Variants in SIK2 observed in about 807,000 individuals in gnomAD.
SIK2 encodes serine/threonine-protein kinase SIK2.
Under a neutral mutation model 103.2 loss-of-function variants are expected in SIK2, and 29 were observed. The observed-to-expected ratio is 0.28, with a 90% CI of 0.21 to 0.38. SIK2 has a LOEUF of 0.38. Ranked by LOEUF, SIK2 falls within the 10% of genes least tolerant of loss-of-function variation. The pLI is 1.00. For synonymous variants in SIK2, 412 were observed against 446.1 expected (o/e 0.92, Z 0.96); for missense variants, 879 against 1,171.0 (o/e 0.75, Z 3.64).
rs1008553805 is a variant in SIK2 at position 111,723,481 on chromosome 11, A to G, written c.2148-15A>G. On this transcript the variant is annotated splice_polypyrimidine_tract_variant and intron_variant, in intron 14 of 14. Transcript: ENST00000304987. ...AGAAGATTTAAAATTCTTTCCTTTG[A>G]TATTACCAATTTAGGCTCCAGCAGA... The G allele has an allele frequency of 1.3e-6, 2 of 1,577,648 alleles. No homozygotes were observed. The highest frequency in any genetic ancestry group is 2.3e-5 in the East Asian group (1 of 44,376).
chr11:111,671,603 T>C, intron 3 of SIK2: 1 of 334,934 alleles, frequency 3.0e-6, no homozygotes, highest in Non-Finnish European at 5.8e-6. Flanking sequence ...GCACAGACCT[T>C]GGTGATGATG....
intron 3 of SIK2, among the ~76,000 whole-genome samples, chr11:111,670,652 G>C (rs1001445628): frequency 5.9e-5 from 9 of 152,242 alleles, no homozygotes; most frequent in African/African-American, 2.2e-4. Flanking sequence ...TTGGATTTAT[G>C]CAGTTCTAAC....
intron 1 of SIK2, among the ~76,000 whole-genome samples, chr11:111,610,281 C>T (rs1941703681): frequency 2.0e-5 from 3 of 151,944 alleles, no homozygotes; most frequent in Admixed American, 6.6e-5. Flanking sequence ...CTTGAGGTGA[C>T]GAGTTTGAGA....
Position 111,609,335 on chromosome 11 carries a change from G to C in SIK2, c.135+6637G>C, listed in dbSNP as rs183574833. Among the ~76,000 whole-genome samples the C allele has an allele frequency of 6.3e-3, 952 of 150,206 alleles. 5 individuals are homozygous for C. Among genetic ancestry groups the C allele is most frequent in the Non-Finnish European group, 9.2e-3 (625 of 67,614 alleles). ...AAAAGTCAAATCAATTTTTTTTTTGGGGGGGGGACAGGGTCTCACTCTGTC... is the reference window on the plus strand; with the variant it reads ...AAAAGTCAAATCAATTTTTTTTTTGCGGGGGGGACAGGGTCTCACTCTGTC... On this transcript the variant is annotated intron_variant, in intron 1 of 14. Transcript: ENST00000304987.
chr11:111,627,082 A>AG (rs1941970945), intron 3 of SIK2, among the ~76,000 whole-genome samples: 1 of 152,094 alleles, frequency 6.6e-6, no homozygotes, highest in Non-Finnish European at 1.5e-5. Flanking sequence ...ATGGGCAAAA[A>AG]ATTGTTGCCT....
Position 111,722,892 on chromosome 11 carries a change from A to C in SIK2, c.2147+136A>C, listed in dbSNP as rs147261604. 1.4e-6 allele frequency: 1 copy of C among 727,382 alleles called. No individual in the cohort carries two copies. Among genetic ancestry groups the C allele is most frequent in the African/African-American group, 1.8e-5 (1 of 56,122 alleles). The allele number at this position is 727,382 out of a possible 1,614,324, so 45.1% of individuals were successfully genotyped here. ...TTCTGCGTGTGTCACAGGCCCTCTG[A>C]GCACGATTACTAAGAGGATATCTCA... On this transcript the variant is annotated intron_variant, in intron 14 of 14. Coordinates refer to ENST00000304987, the MANE Select transcript of SIK2 (RefSeq NM_015191.3). This position sits in a 1 kb window ranked among gnomAD's most constrained non-coding sequence, Gnocchi z 4.4.
chr11:111,652,775 T>G lies in SIK2; in HGVS notation c.316+32373T>G, dbSNP rs78872223. Among the ~76,000 whole-genome samples, 1,190 of 152,340 alleles carry G rather than the reference T, an allele frequency of 7.8e-3. 21 individuals are homozygous for G. The highest frequency in any genetic ancestry group is 0.027 in the African/African-American group (1,126 of 41,580). On this transcript the variant is annotated intron_variant, in intron 3 of 14. Transcript: ENST00000304987. ...CACATAGGTGGATGTGTTATCATTA[T>G]CTTCATATAGATGAGGAAAGGGAGA...
chr11:111,671,632 C>T, intron 3 of SIK2: 1 of 352,144 alleles, frequency 2.8e-6, no homozygotes, highest in Non-Finnish European at 5.5e-6. Flanking sequence ...GTCCAGGGAG[C>T]AGCTGTTGTC....
In SIK2 at chr11:111,723,747, A is replaced by G; in HGVS notation, c.2399A>G (p.Gln800Arg). 6.2e-7 allele frequency: 1 copy of G among 1,614,100 alleles called. No homozygotes were observed. The highest frequency in any genetic ancestry group is 1.3e-5 in the African/African-American group (1 of 75,048). ...AGCCAGTACCAAGAGATGCAGCTTCAGCCCCTGCCCTCCACTTCCGGTCCC... is the reference window on the plus strand; with the variant it reads ...AGCCAGTACCAAGAGATGCAGCTTCGGCCCCTGCCCTCCACTTCCGGTCCC... ...FLSQYQEMQL[Q>R]PLPSTSGPRA... The change falls in exon 15 of 15, where the codon CAG becomes CGG. Residue 800 changes from glutamine to arginine, a missense_variant. This residue lies in a region of SIK2 where 375 missense variants were observed against 416.3 expected (regional missense o/e 0.90). Transcript: ENST00000304987.
At chr11:111,645,530 C>CA (rs1462378856) in intron 3 of SIK2, among the ~76,000 whole-genome samples, 1 of 152,062 alleles carries the variant, frequency 6.6e-6, no homozygotes, top group Admixed American at 6.6e-5. Context: ...TTTTAAAAAA[C>CA]AAAAAACAGG....
Position 111,647,562 on chromosome 11 carries a change from GAAA to G in SIK2, c.316+27178_316+27180del, listed in dbSNP as rs11307756. 5.0e-3 allele frequency among the ~76,000 whole-genome samples: 313 copies of G among 62,896 alleles called. 2 individuals are homozygous for G. Among genetic ancestry groups the G allele is most frequent in the African/African-American group, 0.017 (294 of 17,452 alleles). The allele number at this position is 62,896 out of a possible 152,430, so 41.3% of individuals were successfully genotyped here. ...GGTGGCAGAGGGAGACCCCCATCTCGAAAAAAAAAAAAAAAAAAAAGGCTGAAC... is the reference window on the plus strand; with the variant it reads ...GGTGGCAGAGGGAGACCCCCATCTCGAAAAAAAAAAAAAAAAAGGCTGAAC... On this transcript the variant is annotated intron_variant, in intron 3 of 14. Transcript: ENST00000304987.
At chr11:111,707,008 T>C (rs1383455351) in intron 8 of SIK2, among the ~76,000 whole-genome samples, 1 of 149,032 alleles carries the variant, frequency 6.7e-6, no homozygotes, top group Non-Finnish European at 1.5e-5. Context: ...AGTAAAATAA[T>C]GTGTCCATAT....
chr11:111,674,879 T>A (rs939230215), intron 3 of SIK2, among the ~76,000 whole-genome samples: 3 of 152,174 alleles, frequency 2.0e-5, no homozygotes, highest in Admixed American at 6.5e-5. Context: ...CCCAAGTAGC[T>A]GGGATCACAG....
chr11:111,639,787 G>A (rs1264699831), intron 3 of SIK2, among the ~76,000 whole-genome samples: 1 of 152,116 alleles, frequency 6.6e-6, no homozygotes, highest in Non-Finnish European at 1.5e-5. Context: ...ACTTGCCATG[G>A]GAGTTTTGAC....
At position 111,704,902 on chromosome 11, in the gene SIK2, T is replaced by G. The variant is rs551754355; in HGVS notation, c.949-85T>G. The stretch of plus-strand genomic sequence containing the variant: ...ACCCTATTTTTAAGAGCACACAATT[T>G]CTTTCCTCTTTTTTTTTAGGCATGT... On this transcript the variant is annotated intron_variant, in intron 7 of 14. Coordinates refer to ENST00000304987, the MANE Select transcript of SIK2 (RefSeq NM_015191.3). 32 of 1,432,868 alleles carry G rather than the reference T, an allele frequency of 2.2e-5. No individual in the cohort carries two copies. In the Admixed American group the frequency reaches 8.9e-4, roughly 40 times the overall value. 88.8% of individuals were successfully genotyped at this position (1,432,868 alleles called of 1,614,324 possible). A position where few individuals can be genotyped will look rare whatever the true frequency, so the allele number is the denominator to read the frequency against.
Position 111,723,661 on chromosome 11 carries a change from C to A in SIK2, c.2313C>A (p.Thr771=), listed in dbSNP as rs1165542694. The change falls in exon 15 of 15, where the codon ACC becomes ACA. Residue 771 remains threonine (T), a synonymous_variant. Coordinates refer to ENST00000304987, the MANE Select transcript of SIK2 (RefSeq NM_015191.3). ...PSQQAPPFSL[T]QPLSPVLEPS... ...AGCAGGCCCCACCGTTCAGCCTGACCCAGCCCCTGAGCCCCGTCCTGGAGC... is the reference window on the plus strand; with the variant it reads ...AGCAGGCCCCACCGTTCAGCCTGACACAGCCCCTGAGCCCCGTCCTGGAGC... 6.2e-7 allele frequency: 1 copy of A among 1,613,738 alleles called. No individual in the cohort carries two copies. Among genetic ancestry groups the A allele is most frequent in the East Asian group, 2.2e-5 (1 of 44,876 alleles).
intron 1 of SIK2, among the ~76,000 whole-genome samples, chr11:111,613,757 T>C (rs1941761571): frequency 6.6e-6 from 1 of 152,186 alleles, no homozygotes; most frequent in Non-Finnish European, 1.5e-5. Context: ...ACAGAACCTA[T>C]GTACTTTACT....
intron 3 of SIK2, chr11:111,671,381 C>A: frequency 8.0e-6 from 2 of 248,748 alleles, no homozygotes; most frequent in East Asian, 1.2e-4. Flanking sequence ...GCCAGCTCCC[C>A]ACATACTGCT....
Position 111,725,764 on chromosome 11 carries a change from A to C in SIK2, c.*1635A>C, listed in dbSNP as rs868426362. On this transcript the variant is annotated 3_prime_UTR_variant, in exon 15 of 15. Transcript: ENST00000304987. ...TAGGGGGTTCCATTCTGGCCATGCG[A>C]GCCCAGCTCCTACCAACGTCGGTAA... 3.7e-4 allele frequency: 56 copies of C among 152,626 alleles called. No individual in the cohort carries two copies. Among genetic ancestry groups the C allele is most frequent in the African/African-American group, 1.3e-3 (52 of 41,450 alleles). 9.5% of individuals were successfully genotyped at this position (152,626 alleles called of 1,614,324 possible). A position where few individuals can be genotyped will look rare whatever the true frequency, so the allele number is the denominator to read the frequency against.
Sources: allele counts gnomAD v4.1 joint callset (sites outside exome capture counted in the v4.1 genomes callset), GRCh38; gene constraint gnomAD v4.1.1; regional missense constraint gnomAD v4.1.1; non-coding constraint Gnocchi (gnomAD v3.1); transcripts MANE v1.5; gene names NCBI Gene and HGNC (gene_info 2026-07-23, HGNC 2026-07-21).